Variants in SPHKAP observed in about 807,000 individuals in gnomAD.
SPHKAP encodes SPHK1 interactor, AKAP domain containing, also known as A-kinase anchor protein SPHKAP.
In SPHKAP, 67 loss-of-function variants were observed where a neutral mutation model predicts 137.5. The ratio of observed to expected loss-of-function variants is 0.49; its 90% CI spans 0.40 to 0.60. The LOEUF is 0.60. Among genes scored for constraint, SPHKAP ranks in the 20% least tolerant of loss-of-function variants. SPHKAP has a pLI of 0.00. For synonymous variants in SPHKAP, 813 were observed against 785.3 expected (o/e 1.04, Z -0.59); for missense variants, 2,097 against 2,069.3 (o/e 1.01, Z -0.26).
intron 1 of SPHKAP, among the ~76,000 whole-genome samples, chr2:228,159,289 T>TA (rs1182418221): frequency 6.6e-6 from 1 of 152,232 alleles, no homozygotes; most frequent in Non-Finnish European, 1.5e-5. Flanking sequence ...CATTTCTGCT[T>TA]AAACAAAGAG....
intron 3 of SPHKAP, among the ~76,000 whole-genome samples, chr2:228,053,869 C>G (rs1174572553): frequency 1.3e-5 from 2 of 151,946 alleles, no homozygotes; most frequent in African/African-American, 4.8e-5. Flanking sequence ...TTTCTTTGTC[C>G]TTTGTGGTTT....
At chr2:228,042,326 A>G (rs1695884370) in intron 3 of SPHKAP, among the ~76,000 whole-genome samples, 1 of 152,136 alleles carries the variant, frequency 6.6e-6, no homozygotes. Flanking sequence ...GAGGATATTT[A>G]CTCAATTATT....
At chr2:228,123,083 C>G (rs1574869835) in intron 2 of SPHKAP, among the ~76,000 whole-genome samples, 1 of 152,320 alleles carries the variant, frequency 6.6e-6, no homozygotes, top group African/African-American at 2.4e-5. Context: ...CACCTCCCCT[C>G]TCCTCTGCTA....
intron 3 of SPHKAP, among the ~76,000 whole-genome samples, chr2:228,080,816 C>G (rs554121462): frequency 5.0e-4 from 76 of 151,740 alleles, no homozygotes; most frequent in African/African-American, 1.6e-3. Flanking sequence ...CATCTCACAC[C>G]TGTTAGAATG....
intron 7 of SPHKAP, among the ~76,000 whole-genome samples, chr2:228,000,800 CCT>C (rs1461709597): frequency 2.0e-5 from 3 of 151,974 alleles, no homozygotes; most frequent in Non-Finnish European, 4.4e-5. Context: ...TGAAGAATCC[CCT>C]GTTGCTTCTA....
chr2:228,173,053 C>G (rs574844031), intron 1 of SPHKAP: 124 of 985,262 alleles, frequency 1.3e-4, no homozygotes, highest in Non-Finnish European at 1.4e-4. Context: ...GGTAGGGTTT[C>G]CAGGTCCATC....
At chr2:228,163,979 G>C (rs1210644056) in intron 1 of SPHKAP, among the ~76,000 whole-genome samples, 1 of 152,136 alleles carries the variant, frequency 6.6e-6, no homozygotes, top group African/African-American at 2.4e-5. Context: ...GGTGTTGCCA[G>C]AGGGGATTGA....
chr2:228,001,479 A>G (rs974410607), intron 7 of SPHKAP, among the ~76,000 whole-genome samples: 2 of 144,102 alleles, frequency 1.4e-5, no homozygotes, highest in African/African-American at 5.1e-5. Context: ...ATATAAAAAT[A>G]TATATACGTA....
intron 7 of SPHKAP, among the ~76,000 whole-genome samples, chr2:228,009,459 A>T (rs1559343911): frequency 6.6e-6 from 1 of 152,132 alleles, no homozygotes; most frequent in Non-Finnish European, 1.5e-5. Flanking sequence ...TTTATAAGAG[A>T]TATTTAATTT....
In SPHKAP at chr2:228,161,382, T is replaced by G. The variant is rs34452527; in HGVS notation, c.32+20185A>C. 1.5e-3 allele frequency among the ~76,000 whole-genome samples: 226 copies of G among 152,314 alleles called. 1 individual carries two copies. Among genetic ancestry groups the G allele is most frequent in the Non-Finnish European group, 2.8e-3 (190 of 68,036 alleles). ...CTGAGTTGGCCCAATCTAGAAACAA[T>G]GATATTTTCATTTGCTGCATGAGTT... On this transcript the variant is annotated intron_variant, in intron 1 of 11. Transcript: ENST00000392056.
intron 7 of SPHKAP, among the ~76,000 whole-genome samples, chr2:228,006,434 CT>C (rs1694136639): frequency 6.6e-6 from 1 of 152,118 alleles, no homozygotes; most frequent in African/African-American, 2.4e-5. Flanking sequence ...TCTAGTTAGC[CT>C]TTTGTCTAAT....
intron 3 of SPHKAP, among the ~76,000 whole-genome samples, chr2:228,056,583 CA>C (rs35406042): frequency 0.058 from 6,837 of 117,956 alleles, 471 homozygotes; most frequent in African/African-American, 0.18. Flanking sequence ...AGTAAATGAG[CA>C]AAAAAAAAAA....
At chr2:228,088,773 A>ATGCAC (rs1288695466) in intron 3 of SPHKAP, among the ~76,000 whole-genome samples, 4 of 152,098 alleles carry the variant, frequency 2.6e-5, no homozygotes, top group Admixed American at 6.5e-5. Context: ...TTGCCATGTG[A>ATGCAC]TGCACTGGCT....
intron 1 of SPHKAP, among the ~76,000 whole-genome samples, chr2:228,140,427 G>A (rs773093410): frequency 1.8e-4 from 27 of 152,052 alleles, no homozygotes; most frequent in Non-Finnish European, 3.4e-4. Context: ...TTGGGCAGGT[G>A]TCTCACTCTG....
intron 3 of SPHKAP, among the ~76,000 whole-genome samples, chr2:228,081,802 G>A (rs373028497): frequency 2.0e-5 from 3 of 152,154 alleles, no homozygotes; most frequent in Non-Finnish European, 2.9e-5. Flanking sequence ...TGAGGGTGGG[G>A]TTGAGAAGAT....
At chr2:228,114,870 T>C (rs1251885178) in intron 2 of SPHKAP, among the ~76,000 whole-genome samples, 1 of 152,148 alleles carries the variant, frequency 6.6e-6, no homozygotes, top group Non-Finnish European at 1.5e-5. Context: ...TTAAGAGCGA[T>C]AACTCTTCTA....
intron 3 of SPHKAP, among the ~76,000 whole-genome samples, chr2:228,074,401 C>A (rs1008636566): frequency 6.6e-6 from 1 of 152,096 alleles, no homozygotes; most frequent in Non-Finnish European, 1.5e-5. Flanking sequence ...ACTGGGGAGG[C>A]CTCACAATTA....
intron 9 of SPHKAP, among the ~76,000 whole-genome samples, chr2:227,992,039 C>T (rs550666869): frequency 6.6e-6 from 1 of 152,076 alleles, no homozygotes; most frequent in African/African-American, 2.4e-5. Flanking sequence ...TATTACAGAA[C>T]CTTGCATGTA....
intron 3 of SPHKAP, among the ~76,000 whole-genome samples, chr2:228,067,455 A>G (rs1696863839): frequency 6.6e-6 from 1 of 152,210 alleles, no homozygotes; most frequent in Admixed American, 6.5e-5. Flanking sequence ...CATATGCTCT[A>G]TTATGATCAT....
Sources: allele counts gnomAD v4.1 joint callset (sites outside exome capture counted in the v4.1 genomes callset), GRCh38; gene constraint gnomAD v4.1.1; transcripts MANE v1.5; gene names NCBI Gene and HGNC (gene_info 2026-07-23, HGNC 2026-07-21).